PRKCE: variants seen among roughly 807,000 people sequenced by gnomAD.
The protein encoded by PRKCE is protein kinase C epsilon.
A neutral mutation model predicts 85.4 loss-of-function variants in PRKCE; 16 were observed. The observed-to-expected ratio is 0.19, with a 90% CI of 0.13 to 0.28. The LOEUF is 0.28. Ranked by LOEUF, PRKCE falls within the 10% of genes least tolerant of loss-of-function variation. The pLI, the probability that PRKCE is intolerant of heterozygous loss-of-function variation, is 1.00. For synonymous variants in PRKCE, 388 were observed against 371.5 expected (o/e 1.04, Z -0.51); for missense variants, 573 against 975.2 (o/e 0.59, Z 5.49).
At chr2:45,770,715 C>G (rs61599280) in intron 1 of PRKCE, 116 of 152,294 alleles carry the variant, frequency 7.6e-4, no homozygotes, top group African/African-American at 2.6e-3. Flanking sequence ...TAACCGTACC[C>G]TCTCTCTCAA....
At chr2:45,957,392 T>G (rs1701043178) in intron 2 of PRKCE, among the ~76,000 whole-genome samples, 1 of 152,266 alleles carries the variant, frequency 6.6e-6, no homozygotes, top group African/African-American at 2.4e-5. Flanking sequence ...TTCACTTGCC[T>G]TTGCACCTTT....
intron 1 of PRKCE, among the ~76,000 whole-genome samples, chr2:45,743,577 T>C (rs758999896): frequency 3.3e-5 from 5 of 152,084 alleles, no homozygotes; most frequent in Non-Finnish European, 5.9e-5. Flanking sequence ...AGTTAGCTCA[T>C]CCCTTCCCAC....
intron 3 of PRKCE, 108 bp downstream of exon 3, chr2:45,976,696 G>C: frequency 7.6e-7 from 1 of 1,313,866 alleles, no homozygotes; most frequent in Non-Finnish European, 1.0e-6. Flanking sequence ...GGTGTGCCTC[G>C]TTTCTTCCTT....
chr2:45,853,263 T>C (rs10192064), intron 2 of PRKCE, among the ~76,000 whole-genome samples: 53,758 of 152,056 alleles, frequency 0.35, 10,345 homozygotes, highest in East Asian at 0.53. Context: ...GCTTTCATAG[T>C]TTGCAGTTTC....
At chr2:45,949,402 G>GTTTTTTTTTTTTTTTTTTTTTTGT in intron 2 of PRKCE, among the ~76,000 whole-genome samples, 1 of 118,746 alleles carries the variant, frequency 8.4e-6, no homozygotes, top group South Asian at 2.6e-4. Flanking sequence ...TATTTTGCTT[G>GTTTTTTTTTTTTTTTTTTTTTTGT]TTTTTTTTTT....
chr2:45,944,542 A>ACAGTGATG (rs1700101497), intron 2 of PRKCE, among the ~76,000 whole-genome samples: 1 of 151,942 alleles, frequency 6.6e-6, no homozygotes, highest in African/African-American at 2.4e-5. Flanking sequence ...AGGCTGGAGT[A>ACAGTGATG]CAGTGATGTG....
intron 1 of PRKCE, among the ~76,000 whole-genome samples, chr2:45,768,973 A>AC (rs2104893883): frequency 6.6e-6 from 1 of 152,344 alleles, no homozygotes; most frequent in South Asian, 2.1e-4. Flanking sequence ...TCTGCTACTG[A>AC]CATGTTCACC....
At chr2:45,705,578 A>T (rs919582840) in intron 1 of PRKCE, among the ~76,000 whole-genome samples, 2 of 152,004 alleles carry the variant, frequency 1.3e-5, no homozygotes, top group Non-Finnish European at 2.9e-5. Flanking sequence ...AATCTTAAGG[A>T]TTGTCTGTTT....
At chr2:46,093,923 A>T (rs1005842734) in intron 11 of PRKCE, among the ~76,000 whole-genome samples, 8 of 152,180 alleles carry the variant, frequency 5.3e-5, no homozygotes, top group African/African-American at 9.7e-5. Flanking sequence ...GAATTCAGTT[A>T]TGTGGTATGC....
intron 2 of PRKCE, among the ~76,000 whole-genome samples, chr2:45,967,765 G>A (rs191837159): frequency 8.7e-4 from 133 of 152,154 alleles, no homozygotes; most frequent in African/African-American, 2.9e-3. Context: ...TGAGGTTTGG[G>A]TTGAGCCATG....
chr2:46,057,474 A>T (rs1249483749), intron 10 of PRKCE, among the ~76,000 whole-genome samples: 1 of 150,682 alleles, frequency 6.6e-6, no homozygotes, highest in African/African-American at 2.4e-5. Flanking sequence ...TTGCTGTGTC[A>T]CCCAGGCTGG....
At chr2:46,011,930 T>G (rs923906981) in intron 10 of PRKCE, among the ~76,000 whole-genome samples, 1 of 152,192 alleles carries the variant, frequency 6.6e-6, no homozygotes, top group Admixed American at 6.5e-5. Flanking sequence ...GATGGACACA[T>G]ATTTCTTTGT....
chr2:45,942,776 A>T (rs2104236490), intron 2 of PRKCE, among the ~76,000 whole-genome samples: 1 of 152,352 alleles, frequency 6.6e-6, no homozygotes, highest in East Asian at 1.9e-4. Flanking sequence ...ATGAATTATA[A>T]TGCATTATGT....
intron 1 of PRKCE, among the ~76,000 whole-genome samples, chr2:45,661,109 G>A (rs543156088): frequency 6.6e-6 from 1 of 152,290 alleles, no homozygotes; most frequent in South Asian, 2.1e-4. Flanking sequence ...ACCTGTATTT[G>A]CCAGCAAGGA....
intron 2 of PRKCE, among the ~76,000 whole-genome samples, chr2:45,940,425 A>G (rs1699789957): frequency 6.6e-6 from 1 of 152,236 alleles, no homozygotes; most frequent in Admixed American, 6.5e-5. Flanking sequence ...TGGCCAGAGT[A>G]TGTGTTTATA....
At chr2:46,135,223 A>G (rs1451097462) in intron 11 of PRKCE, among the ~76,000 whole-genome samples, 2 of 152,252 alleles carry the variant, frequency 1.3e-5, no homozygotes, top group Non-Finnish European at 2.9e-5. Flanking sequence ...GTTACATCTT[A>G]TAAGCATGTT....
At chr2:46,013,302 G>A (rs1297932599) in intron 10 of PRKCE, among the ~76,000 whole-genome samples, 1 of 152,228 alleles carries the variant, frequency 6.6e-6, no homozygotes, top group Non-Finnish European at 1.5e-5. Flanking sequence ...TTAACCAAAG[G>A]AAGACAGTTC....
chr2:45,790,102 T>A (rs1411857580), intron 1 of PRKCE, among the ~76,000 whole-genome samples: 1 of 152,220 alleles, frequency 6.6e-6, no homozygotes, highest in Non-Finnish European at 1.5e-5. Flanking sequence ...TGATGGCTCT[T>A]GGGACAGACA....
At chr2:46,039,384 A>G (rs762097858) in intron 10 of PRKCE, among the ~76,000 whole-genome samples, 9 of 152,066 alleles carry the variant, frequency 5.9e-5, no homozygotes, top group Non-Finnish European at 1.2e-4. Flanking sequence ...TCTTTTCACA[A>G]TGGCATTTGA....
Sources: gnomAD v4.1 joint callset for allele counts (sites outside exome capture counted in the v4.1 genomes callset) on GRCh38, gnomAD v4.1.1 for gene constraint, MANE v1.5 for transcripts, NCBI Gene and HGNC (gene_info 2026-07-23, HGNC 2026-07-21) for gene names.